The following CSMD1 variants were observed in gnomAD, a reference collection of about 807,000 sequenced individuals.
The protein encoded by CSMD1 is CUB and sushi domain-containing protein 1.
CSMD1 carries 213 observed loss-of-function variants against 417.5 expected under a neutral mutation model. The observed-to-expected ratio is 0.51, with a 90% confidence interval of 0.46 to 0.57. The LOEUF (loss-of-function observed/expected upper bound fraction) is 0.57. Among genes scored for constraint, CSMD1 ranks in the 20% least tolerant of loss-of-function variants. The probability of loss-of-function intolerance (pLI) is 0.00; values close to 1 mark genes in which losing one functional copy is unlikely to be tolerated. For synonymous variants in CSMD1, 2,862 were observed against 1,736.8 expected, an observed-to-expected ratio of 1.65 and a Z score of -16.11; for missense variants, 6,923 against 4,529.7, an observed-to-expected ratio of 1.53 and a Z score of -15.17.
chr8:4,986,102 T>C (rs1015982703), intron 1 of CSMD1, among the ~76,000 whole-genome samples: 1 of 152,324 alleles, frequency 6.6e-6, no homozygotes. Flanking sequence ...TGAAATGTGG[T>C]GACTAAAATT....
At chr8:4,226,900 A>AT (rs1563303378) in intron 3 of CSMD1, among the ~76,000 whole-genome samples, 1 of 152,120 alleles carries the variant, frequency 6.6e-6, no homozygotes, top group African/African-American at 2.4e-5. Flanking sequence ...AACGTAAAGG[A>AT]TTTTTTGTTG....
At chr8:4,013,403 T>G (rs778488647) in intron 4 of CSMD1, among the ~76,000 whole-genome samples, 6 of 152,166 alleles carry the variant, frequency 3.9e-5, no homozygotes, top group African/African-American at 2.4e-5. Flanking sequence ...GGGCTCACTC[T>G]GTCCCGTTCA....
At chr8:3,630,549 G>C (rs1269464013) in intron 7 of CSMD1, among the ~76,000 whole-genome samples, 1 of 152,194 alleles carries the variant, frequency 6.6e-6, no homozygotes, top group Non-Finnish European at 1.5e-5. Context: ...CCCAGGCAAA[G>C]CCAATTAGAG....
chr8:3,504,676 T>A (rs1454624967), intron 10 of CSMD1, among the ~76,000 whole-genome samples: 1 of 152,220 alleles, frequency 6.6e-6, no homozygotes, highest in Non-Finnish European at 1.5e-5. Context: ...AATGACCTCT[T>A]ATCTTTTGAA....
intron 5 of CSMD1, among the ~76,000 whole-genome samples, chr8:3,890,652 C>T (rs1446128672): frequency 6.6e-6 from 1 of 152,068 alleles, no homozygotes; most frequent in Admixed American, 6.6e-5. Context: ...TATTTCTAGT[C>T]CCCAAATTTA....
intron 2 of CSMD1, among the ~76,000 whole-genome samples, chr8:4,452,923 C>T (rs1440047213): frequency 2.6e-5 from 4 of 152,076 alleles, no homozygotes; most frequent in Non-Finnish European, 5.9e-5. Context: ...GTGGTAACAG[C>T]CTTTTTATTT....
chr8:4,293,344 T>G (rs533134526), intron 3 of CSMD1, among the ~76,000 whole-genome samples: 9 of 152,294 alleles, frequency 5.9e-5, no homozygotes, highest in Non-Finnish European at 1.3e-4. Flanking sequence ...GTGCAAATAT[T>G]AATATCTTAC....
At chr8:3,425,899 C>T (rs1487944434) in intron 12 of CSMD1, among the ~76,000 whole-genome samples, 1 of 152,102 alleles carries the variant, frequency 6.6e-6, no homozygotes, top group Non-Finnish European at 1.5e-5. Flanking sequence ...TGTCTACCAT[C>T]TCTAAAAGGT....
chr8:4,604,186 G>A (rs969778308), intron 2 of CSMD1, among the ~76,000 whole-genome samples: 2 of 151,814 alleles, frequency 1.3e-5, no homozygotes, highest in African/African-American at 4.8e-5. Flanking sequence ...TCACATAATC[G>A]GAAAGTTAGC....
chr8:3,626,500 A>G (rs1796499950), intron 7 of CSMD1, among the ~76,000 whole-genome samples: 1 of 152,108 alleles, frequency 6.6e-6, no homozygotes, highest in South Asian at 2.1e-4. Context: ...AGAAACATAT[A>G]TAGTTATAGT....
In CSMD1 at chr8:3,935,242, G is replaced by A. The variant is rs148137841; in HGVS notation, c.818+62661C>T. 2.8e-4 allele frequency among the ~76,000 whole-genome samples: 42 copies of A among 152,216 alleles called. No homozygotes were observed. In the East Asian group the frequency reaches 7.9e-3, roughly 29 times the overall value. On this transcript the variant is annotated intron_variant, in intron 5 of 69. Transcript: ENST00000635120. Reference sequence around the variant, plus strand: ...AAATGGAAATCGTTCTTAAAATGTAGAAGAACAGAATCATTATATGAAAGA... The same window carrying A: ...AAATGGAAATCGTTCTTAAAATGTAAAAGAACAGAATCATTATATGAAAGA...
chr8:4,353,085 A>AT (rs1009593959), intron 3 of CSMD1, among the ~76,000 whole-genome samples: 3 of 152,170 alleles, frequency 2.0e-5, no homozygotes, highest in Non-Finnish European at 2.9e-5. Context: ...AACTTCACTT[A>AT]TTTTTTACCT....
At chr8:4,907,237 C>G (rs1345530801) in intron 1 of CSMD1, among the ~76,000 whole-genome samples, 2 of 152,170 alleles carry the variant, frequency 1.3e-5, no homozygotes. Context: ...AAAGCTACTT[C>G]TCTACTTTTA....
At chr8:3,073,828 C>G (rs987740974) in intron 49 of CSMD1, among the ~76,000 whole-genome samples, 1 of 151,262 alleles carries the variant, frequency 6.6e-6, no homozygotes, top group African/African-American at 2.4e-5. Context: ...GAGTAATGAT[C>G]AAATGAATGA....
At chr8:2,996,835 T>C (rs1037378584) in intron 54 of CSMD1, among the ~76,000 whole-genome samples, 10 of 152,122 alleles carry the variant, frequency 6.6e-5, no homozygotes, top group Non-Finnish European at 1.2e-4. Context: ...CAAACACAAA[T>C]ACAATGAAAG....
At chr8:4,472,900 T>G (rs1006604564) in intron 2 of CSMD1, among the ~76,000 whole-genome samples, 1 of 151,916 alleles carries the variant, frequency 6.6e-6, no homozygotes, top group Non-Finnish European at 1.5e-5. Context: ...TAGTAGAAAT[T>G]TTTGCCATAA....
intron 7 of CSMD1, among the ~76,000 whole-genome samples, chr8:3,633,790 C>T (rs1428271311): frequency 6.6e-6 from 1 of 152,156 alleles, no homozygotes; most frequent in African/African-American, 2.4e-5. Context: ...GATATTACTT[C>T]TCAAGTATCC....
chr8:4,782,235 A>G (rs1028193442), intron 1 of CSMD1, among the ~76,000 whole-genome samples: 4 of 152,348 alleles, frequency 2.6e-5, no homozygotes, highest in East Asian at 1.9e-4. Context: ...ATCTCAAAAT[A>G]GCTAGAAAAG....
At chr8:4,040,109 A>T (rs1797810761) in intron 3 of CSMD1, among the ~76,000 whole-genome samples, 1 of 152,218 alleles carries the variant, frequency 6.6e-6, no homozygotes. Context: ...AACATATCGC[A>T]ATTTCAGAAA....
Sources: gnomAD v4.1 joint callset for allele counts (sites outside exome capture counted in the v4.1 genomes callset) on GRCh38, gnomAD v4.1.1 for gene constraint, MANE v1.5 for transcripts, NCBI Gene and HGNC (gene_info 2026-07-23, HGNC 2026-07-21) for gene names.